Variants in KLRG1 observed in about 807,000 individuals in gnomAD.
KLRG1 encodes the protein killer cell lectin-like receptor subfamily G member 1.
In KLRG1, 16 loss-of-function variants were observed where a neutral mutation model predicts 21.8. That is an observed-to-expected ratio of 0.73 (90% confidence interval 0.50 to 1.11). The LOEUF (loss-of-function observed/expected upper bound fraction) is 1.11, where lower values mean the gene tolerates loss of function less well. Among genes scored for constraint, KLRG1 ranks in the 50% most tolerant of loss-of-function variants. The pLI, the probability that KLRG1 is intolerant of heterozygous loss-of-function variation, is 0.00. For missense variants in KLRG1, 173 were observed against 218.3 expected (o/e 0.79, Z 1.31); for synonymous variants, 69 against 75.9 (o/e 0.91, Z 0.47).
the KLRG1 span, among the ~76,000 whole-genome samples, chr12:9,124,723 C>T: frequency 6.6e-6 from 1 of 152,216 alleles, no homozygotes; most frequent in African/African-American, 2.4e-5. Context: ...ATTGCCTGGC[C>T]TTTCTCCTCT....
the KLRG1 span, chr12:9,197,141 A>C: frequency 6.5e-7 from 1 of 1,537,182 alleles, no homozygotes; most frequent in Non-Finnish European, 9.0e-7. Flanking sequence ...ATGAGAAATA[A>C]ATCAGGAATT....
intron 1 of KLRG1, among the ~76,000 whole-genome samples, chr12:8,952,337 G>T (rs770124903): frequency 1.1e-4 from 16 of 152,268 alleles, no homozygotes; most frequent in African/African-American, 3.8e-4. Flanking sequence ...GACCACAGGC[G>T]CAAGCCACCA....
the KLRG1 span, among the ~76,000 whole-genome samples, chr12:9,040,920 A>C: frequency 6.6e-6 from 1 of 152,260 alleles, no homozygotes; most frequent in East Asian, 1.9e-4. Flanking sequence ...TTTATGCATG[A>C]AGAGGGAAAG....
At chr12:9,110,168 G>A in the KLRG1 span, 8 of 1,133,470 alleles carry the variant, frequency 7.1e-6, no homozygotes, top group South Asian at 3.1e-5. Context: ...TAGAGGAGAT[G>A]AGTTATAGCC....
the KLRG1 span, chr12:9,077,559 T>C: frequency 2.0e-6 from 3 of 1,476,500 alleles, no homozygotes; most frequent in Non-Finnish European, 2.8e-6. Context: ...TCAACTTTTG[T>C]TCTATCCCCT....
chr12:9,119,412 T>G, the KLRG1 span, among the ~76,000 whole-genome samples: 1 of 152,160 alleles, frequency 6.6e-6, no homozygotes, highest in East Asian at 1.9e-4. Flanking sequence ...AATAATTGAT[T>G]GATTTTTTTT....
the KLRG1 span, chr12:9,166,159 G>A: frequency 6.2e-7 from 1 of 1,612,948 alleles, no homozygotes; most frequent in Non-Finnish European, 8.5e-7. Flanking sequence ...CATTATATGT[G>A]CCTAATTGAG....
At chr12:9,176,169 G>A in the KLRG1 span, among the ~76,000 whole-genome samples, 1 of 152,190 alleles carries the variant, frequency 6.6e-6, no homozygotes, top group Non-Finnish European at 1.5e-5. Context: ...GACATGGATA[G>A]AGCTGAAAGC....
the KLRG1 span, among the ~76,000 whole-genome samples, chr12:9,199,238 C>T: frequency 6.6e-6 from 1 of 152,170 alleles, no homozygotes; most frequent in African/African-American, 2.4e-5. Context: ...GTTTAAGTCA[C>T]TTCTATAAAA....
the KLRG1 span, chr12:9,079,619 T>A: frequency 6.2e-6 from 10 of 1,604,346 alleles, no homozygotes; most frequent in South Asian, 1.1e-4. Context: ...AAGTTTTCCC[T>A]TACTCAAGTA....
At chr12:9,139,310 T>C in the KLRG1 span, among the ~76,000 whole-genome samples, 1 of 152,184 alleles carries the variant, frequency 6.6e-6, no homozygotes, top group African/African-American at 2.4e-5. Context: ...TTTCAATCTT[T>C]CTAAATTTGT....
the KLRG1 span, chr12:9,070,723 T>C: frequency 1.6e-6 from 1 of 612,370 alleles, no homozygotes; most frequent in African/African-American, 1.9e-5. Flanking sequence ...GTAAAAGTGG[T>C]GTGCGTAGAA....
the KLRG1 span, among the ~76,000 whole-genome samples, chr12:9,027,229 A>G: frequency 2.0e-5 from 3 of 151,622 alleles, no homozygotes; most frequent in South Asian, 4.2e-4. Context: ...CGATCAGACT[A>G]TTCCATTTAG....
chr12:9,201,118 A>G, the KLRG1 span: 1 of 1,582,838 alleles, frequency 6.3e-7, no homozygotes, highest in Non-Finnish European at 8.6e-7. Flanking sequence ...TCCTTGAGCA[A>G]CTCAAATGAT....
the KLRG1 span, chr12:9,028,022 A>T: frequency 8.2e-7 from 1 of 1,222,472 alleles, no homozygotes; most frequent in Non-Finnish European, 1.2e-6. Context: ...CCACGGAGTC[A>T]TGGTTGTCAA....
intron 1 of KLRG1, among the ~76,000 whole-genome samples, chr12:8,959,669 C>A (rs1230716596): frequency 6.6e-6 from 1 of 152,160 alleles, no homozygotes; most frequent in Non-Finnish European, 1.5e-5. Flanking sequence ...CGGGCTATGA[C>A]AAATAGGGTA....
intron 1 of KLRG1, chr12:8,970,652 T>C (rs1480269981): frequency 6.6e-6 from 1 of 152,266 alleles, no homozygotes; most frequent in Non-Finnish European, 1.5e-5. Flanking sequence ...CAGTGTTTCA[T>C]AGAGTTGCTG....
the KLRG1 span, chr12:9,064,346 G>C: frequency 2.6e-5 from 4 of 153,932 alleles, no homozygotes. The surrounding 1 kb of genome is among the most constrained non-coding windows in gnomAD (Gnocchi z 4.0). Context: ...AGCAGGGAGG[G>C]GCGGGCAGCG....
At chr12:9,147,372 C>A in the KLRG1 span, among the ~76,000 whole-genome samples, 1 of 152,136 alleles carries the variant, frequency 6.6e-6, no homozygotes, top group African/African-American at 2.4e-5. Flanking sequence ...CCCTTCTCTC[C>A]CCTAAGAGAA....
Sources: allele counts gnomAD v4.1 joint callset (sites outside exome capture counted in the v4.1 genomes callset), GRCh38; gene constraint gnomAD v4.1.1; non-coding constraint Gnocchi (gnomAD v3.1); transcripts MANE v1.5; gene names NCBI Gene and HGNC (gene_info 2026-07-23, HGNC 2026-07-21).